Variants in DIAPH2 observed in about 807,000 individuals in gnomAD.
DIAPH2 encodes the protein diaphanous related formin 2, also known as protein diaphanous homolog 2.
Under a neutral mutation model 92.7 loss-of-function variants are expected in DIAPH2, and 35 were observed. That is an observed-to-expected ratio of 0.38 (90% CI 0.29 to 0.50). The LOEUF (loss-of-function observed/expected upper bound fraction) is 0.50. Among genes scored for constraint, DIAPH2 ranks in the 20% least tolerant of loss-of-function variants. DIAPH2 has a pLI of 0.94. For missense variants in DIAPH2, 701 were observed against 819.5 expected, an observed-to-expected ratio of 0.86 and a Z score of 1.77; for synonymous variants, 301 against 280.4, an observed-to-expected ratio of 1.07 and a Z score of -0.73.
intron 26 of DIAPH2, among the ~76,000 whole-genome samples, chrX:97,569,857 G>T (rs187560539): frequency 9.5e-6 from 1 of 105,487 alleles, no homozygotes; most frequent in African/African-American, 3.4e-5. Context: ...GGTTCATTAC[G>T]TTATGTCCCA....
Position 96,728,057 on chromosome X carries a change from G to GAAA in DIAPH2, c.133-7693_133-7691dup, listed in dbSNP as rs59678952. Among the ~76,000 whole-genome samples the GAAA allele has an allele frequency of 1.3e-4, 13 of 96,503 alleles. No individual in the cohort carries two copies. The Admixed American group carries it at 1.4e-3, about 10-fold the overall frequency. 83.8% of individuals were successfully genotyped at this position (96,503 alleles called of 115,157 possible). A position where few individuals can be genotyped will look rare whatever the true frequency, so the allele number is the denominator to read the frequency against. On this transcript the variant is annotated intron_variant, in intron 1 of 26. Transcript: ENST00000324765. ...AGACTCCGTCTCAAAAAAAAAAAAA[G>GAAA]AAAAAAAAAAGTAGAACACAAATAA...
chrX:96,951,834 A>G (rs1213694164), intron 15 of DIAPH2, among the ~76,000 whole-genome samples: 1 of 111,928 alleles, frequency 8.9e-6, no homozygotes, highest in East Asian at 2.8e-4. Context: ...TGTAAAATAT[A>G]TATTTAACTT....
At chrX:97,484,473 TG>T (rs1312933904) in intron 26 of DIAPH2, among the ~76,000 whole-genome samples, 1 of 112,537 alleles carries the variant, frequency 8.9e-6, no homozygotes, top group African/African-American at 3.2e-5. Context: ...TTATTGATAT[TG>T]TTTATCTTTT....
chrX:96,932,456 C>G (rs939033435), intron 10 of DIAPH2, among the ~76,000 whole-genome samples: 4 of 110,197 alleles, frequency 3.6e-5, no homozygotes, highest in African/African-American at 9.9e-5. Flanking sequence ...GCACTTTTGT[C>G]TGGGTATATT....
chrX:96,837,690 A>G (rs1207029554), intron 4 of DIAPH2, among the ~76,000 whole-genome samples: 1 of 111,277 alleles, frequency 9.0e-6, no homozygotes, highest in Non-Finnish European at 1.9e-5. Context: ...GGTTATAAAA[A>G]CGTTTATGCC....
chrX:96,774,526 A>G (rs1486626810), intron 4 of DIAPH2, among the ~76,000 whole-genome samples: 2 of 111,897 alleles, frequency 1.8e-5, no homozygotes, highest in East Asian at 2.8e-4. Flanking sequence ...TGTGGCTTTC[A>G]TAGCAGATGT....
chrX:97,105,787 A>C (rs768692850), intron 20 of DIAPH2, among the ~76,000 whole-genome samples: 1 of 112,452 alleles, frequency 8.9e-6, no homozygotes, highest in Non-Finnish European at 1.9e-5. Flanking sequence ...CATATTTTTC[A>C]ATTAAAAACA....
At chrX:97,047,525 T>G (rs1007681760) in intron 17 of DIAPH2, among the ~76,000 whole-genome samples, 1 of 101,667 alleles carries the variant, frequency 9.8e-6, no homozygotes, top group Non-Finnish European at 2.0e-5. Context: ...TTAAAACAGC[T>G]TAAGGGATAA....
intron 17 of DIAPH2, among the ~76,000 whole-genome samples, chrX:97,001,450 C>T (rs778646295): frequency 1.8e-4 from 20 of 111,299 alleles, no homozygotes; most frequent in African/African-American, 6.2e-4. Context: ...CAAGACCAGC[C>T]TGACCAACAT....
intron 17 of DIAPH2, among the ~76,000 whole-genome samples, chrX:97,043,726 C>A (rs2066462257): frequency 9.0e-6 from 1 of 111,419 alleles, no homozygotes; most frequent in South Asian, 3.7e-4. Flanking sequence ...TATATACTTA[C>A]CATCTAGTGA....
intron 23 of DIAPH2, among the ~76,000 whole-genome samples, chrX:97,303,906 T>G (rs188382878): frequency 1.4e-4 from 16 of 111,724 alleles, no homozygotes; most frequent in African/African-American, 5.2e-4. Context: ...TGTTCTTGTA[T>G]GCAAAAGGCA....
intron 23 of DIAPH2, among the ~76,000 whole-genome samples, chrX:97,264,159 T>C (rs952800320): frequency 9.0e-6 from 1 of 110,868 alleles, no homozygotes; most frequent in African/African-American, 3.3e-5. Context: ...TTCAACTACA[T>C]CTTAATGATC....
chrX:97,326,241 T>C (rs2068950131), intron 23 of DIAPH2, among the ~76,000 whole-genome samples: 1 of 112,331 alleles, frequency 8.9e-6, no homozygotes, highest in Admixed American at 9.5e-5. Flanking sequence ...TTATGCATTA[T>C]CCACTAAAAT....
At chrX:96,745,415 G>C (rs2064144380) in intron 3 of DIAPH2, among the ~76,000 whole-genome samples, 2 of 111,902 alleles carry the variant, frequency 1.8e-5, no homozygotes, top group South Asian at 7.4e-4. Flanking sequence ...TAGAATTTCT[G>C]GGTAATGATG....
intron 26 of DIAPH2, among the ~76,000 whole-genome samples, chrX:97,485,554 G>A (rs1602621346): frequency 8.9e-6 from 1 of 112,905 alleles, no homozygotes; most frequent in Admixed American, 9.3e-5. Context: ...TTCCAAGGAA[G>A]TCCAAAAGAT....
At chrX:96,755,586 G>C (rs1300879292) in intron 3 of DIAPH2, among the ~76,000 whole-genome samples, 2 of 110,768 alleles carry the variant, frequency 1.8e-5, no homozygotes, top group African/African-American at 6.6e-5. Flanking sequence ...TTGGGAGGTG[G>C]AGCTTGCAGT....
At chrX:97,200,405 C>G (rs1272917929) in intron 22 of DIAPH2, among the ~76,000 whole-genome samples, 1 of 113,413 alleles carries the variant, frequency 8.8e-6, no homozygotes, top group Non-Finnish European at 1.9e-5. Context: ...CTCAGCAGGT[C>G]CCATTCCCAC....
Position 96,933,048 on chromosome X carries a change from A to G in DIAPH2, c.1089+2205A>G, listed in dbSNP as rs1412157084. 3.6e-5 allele frequency among the ~76,000 whole-genome samples: 4 copies of G among 111,250 alleles called. No individual in the cohort carries two copies. In the South Asian group the frequency reaches 1.5e-3, roughly 42 times the overall value. On this transcript the variant is annotated intron_variant, in intron 10 of 26. Transcript: ENST00000324765. Reference sequence around the variant, plus strand: ...ATCTCAGTGATTCTTCAGCAAGATAAAAGTGGGAAGAGAAAGTTTTGGAAT... The same window carrying G: ...ATCTCAGTGATTCTTCAGCAAGATAGAAGTGGGAAGAGAAAGTTTTGGAAT...
At chrX:97,396,759 C>A (rs1186795685) in intron 25 of DIAPH2, among the ~76,000 whole-genome samples, 1 of 112,186 alleles carries the variant, frequency 8.9e-6, no homozygotes, top group Non-Finnish European at 1.9e-5. Context: ...GTGTGCTGAT[C>A]TGTGGTGACA....
Sources: allele counts gnomAD v4.1 joint callset (sites outside exome capture counted in the v4.1 genomes callset), GRCh38; gene constraint gnomAD v4.1.1; transcripts MANE v1.5; gene names NCBI Gene and HGNC (gene_info 2026-07-23, HGNC 2026-07-21).